The following SCN1A variants were observed in gnomAD, a reference collection of about 807,000 sequenced individuals.
The protein encoded by SCN1A is sodium channel protein type 1 subunit alpha.
Under a neutral mutation model 193.7 loss-of-function variants are expected in SCN1A, and 13 were observed. The ratio of observed to expected loss-of-function variants is 0.07; its 90% CI spans 0.04 to 0.11. The LOEUF (loss-of-function observed/expected upper bound fraction) is 0.11. SCN1A is among the 10% of genes least tolerant of loss of function. The probability of loss-of-function intolerance (pLI) is 1.00; values close to 1 mark genes in which losing one functional copy is unlikely to be tolerated. For missense variants in SCN1A, 1,432 were observed against 2,451.1 expected (o/e 0.58, Z 8.78); for synonymous variants, 781 against 843.6 (o/e 0.93, Z 1.29).
At chr2:166,036,953 A>T (rs1425661324) in intron 18 of SCN1A, among the ~76,000 whole-genome samples, 2 of 152,230 alleles carry the variant, frequency 1.3e-5, no homozygotes, top group Non-Finnish European at 2.9e-5. Context: ...TTGAAAAATA[A>T]CCATTACAAC....
intron 22 of SCN1A, among the ~76,000 whole-genome samples, chr2:166,010,477 A>G (rs937145530): frequency 4.0e-5 from 6 of 151,234 alleles, no homozygotes; most frequent in Non-Finnish European, 8.9e-5. Context: ...ATCTGGCCCC[A>G]AAGGGCCAAT....
chr2:166,018,757 G>T (rs116829087), intron 19 of SCN1A, among the ~76,000 whole-genome samples: 1 of 151,962 alleles, frequency 6.6e-6, no homozygotes, highest in African/African-American at 2.4e-5. Flanking sequence ...ATAAGAGTTG[G>T]CATGCAATTG....
intron 2 of SCN1A, among the ~76,000 whole-genome samples, chr2:166,085,868 A>G (rs955430952): frequency 2.0e-5 from 3 of 152,162 alleles, no homozygotes; most frequent in Non-Finnish European, 2.9e-5. Flanking sequence ...ACTATGGATT[A>G]TTGTTCAGAG....
rs142978131 is a variant in SCN1A, at chr2:165,998,270, T to TA, written c.4339-96dup. The TA allele has an allele frequency of 0.022, 23,915 of 1,078,060 alleles. 387 individuals carry two copies. The highest frequency in any genetic ancestry group is 0.026 in the Non-Finnish European group (19,174 of 739,534). The allele number at this position is 1,078,060 out of a possible 1,614,324, so 66.8% of individuals were successfully genotyped here. ...TCATAACAATAGAAAAAATTATTCT[T>TA]ACTAATATGTCAGCATTTTTTTTTT... On this transcript the variant is annotated intron_variant, in intron 25 of 28. Transcript: ENST00000674923.
At chr2:166,128,538 C>T (rs756094662), upstream of SCN1A, among the ~76,000 whole-genome samples, 1 of 152,092 alleles carries the variant, frequency 6.6e-6, no homozygotes, top group African/African-American at 2.4e-5. Flanking sequence ...CTCAGAGTCA[C>T]AAAATGTGAG....
At chr2:165,994,632 C>T (rs1689759157) in intron 27 of SCN1A, among the ~76,000 whole-genome samples, 1 of 147,338 alleles carries the variant, frequency 6.8e-6, no homozygotes, top group African/African-American at 2.5e-5. Context: ...ATCCCTTATC[C>T]AAAGAAGGTT....
chr2:166,108,291 A>T (rs6731168), intron 2 of SCN1A, among the ~76,000 whole-genome samples: 38,959 of 151,682 alleles, frequency 0.26, 5,078 homozygotes, highest in Non-Finnish European at 0.27. Flanking sequence ...TAATAATAAT[A>T]AAAAAAACAG....
intron 3 of SCN1A, 92 bp from the exon 4 acceptor site, chr2:166,073,762 TAA>T: frequency 1.0e-6 from 1 of 972,322 alleles, no homozygotes; most frequent in Non-Finnish European, 1.5e-6. Context: ...CTAGAGGATT[TAA>T]AGTCTGTTTT....
At chr2:165,985,306 AGAGG>A (rs1298841354), downstream of SCN1A, 2 of 149,778 alleles carry the variant, frequency 1.3e-5, no homozygotes, top group African/African-American at 4.9e-5. Flanking sequence ...AGGAAGGGAG[AGAGG>A]GAGGAAGGGA....
chr2:166,079,645 C>G (rs990996590), intron 2 of SCN1A, among the ~76,000 whole-genome samples: 4 of 150,862 alleles, frequency 2.7e-5, no homozygotes, highest in African/African-American at 9.7e-5. Context: ...TAAAAGCCTT[C>G]CTATTCTCCA....
At chr2:166,058,047 C>T (rs1446058357) in intron 5 of SCN1A, among the ~76,000 whole-genome samples, 1 of 152,050 alleles carries the variant, frequency 6.6e-6, no homozygotes, top group Non-Finnish European at 1.5e-5. Context: ...ACTTCCTTCA[C>T]AAAAATCATC....
chr2:166,003,855 C>A (rs1400630881), intron 23 of SCN1A, among the ~76,000 whole-genome samples: 1 of 127,872 alleles, frequency 7.8e-6, no homozygotes, highest in East Asian at 2.3e-4. Context: ...ATTTTTAGAA[C>A]AATTTTTTTT....
intron 1 of SCN1A, among the ~76,000 whole-genome samples, chr2:166,145,064 C>G (rs1297814356): frequency 6.6e-6 from 1 of 151,966 alleles, no homozygotes; most frequent in African/African-American, 2.4e-5. Flanking sequence ...TCTCAAACTC[C>G]TGACCTCATG....
intron 2 of SCN1A, among the ~76,000 whole-genome samples, chr2:166,084,585 A>T (rs547096950): frequency 6.6e-6 from 1 of 152,222 alleles, no homozygotes; most frequent in South Asian, 2.1e-4. Context: ...CTTTGAAGGA[A>T]AAAGATGCCA....
chr2:166,119,077 T>C (rs1690241681), intron 2 of SCN1A, among the ~76,000 whole-genome samples: 1 of 152,160 alleles, frequency 6.6e-6, no homozygotes, highest in Non-Finnish European at 1.5e-5. Context: ...GCCACTGATC[T>C]GACAGGAGGC....
rs540059534 is a variant in SCN1A, at chr2:166,076,865, A to T, written c.-50+845T>A. ...AAAAAAAAAAATGAACCTAGACCTT[A>T]TGCCTTTCACAAAAAATAATTCAAA... On this transcript the variant is annotated intron_variant, in intron 3 of 28. Transcript: ENST00000674923. Among the ~76,000 whole-genome samples, 15 of 151,610 alleles carry T rather than the reference A, an allele frequency of 9.9e-5. No homozygotes were observed. The South Asian group carries it at 3.1e-3, about 31-fold the overall frequency.
chr2:166,091,075 T>G (rs1686749439), intron 2 of SCN1A, among the ~76,000 whole-genome samples: 1 of 152,172 alleles, frequency 6.6e-6, no homozygotes, highest in Non-Finnish European at 1.5e-5. Context: ...CATAACGATT[T>G]CATAGGAAAG....
intron 1 of SCN1A, among the ~76,000 whole-genome samples, chr2:166,145,322 C>T (rs553536345): frequency 8.0e-4 from 121 of 152,100 alleles, no homozygotes; most frequent in African/African-American, 2.8e-3. Context: ...CAGGCATGAG[C>T]CACCACTCCC....
chr2:166,042,165 C>T lies in SCN1A; in HGVS notation c.2176+127G>A, dbSNP rs1339859075. The T allele has an allele frequency of 5.2e-5, 46 of 885,288 alleles. No individual in the cohort carries two copies. In the South Asian group the frequency reaches 5.8e-4, roughly 11 times the overall value. The allele number at this position is 885,288 out of a possible 1,614,324, so 54.8% of individuals were successfully genotyped here. On this transcript the variant is annotated intron_variant, in intron 15 of 28. Transcript: ENST00000674923. Reference sequence around the variant, plus strand: ...ATATCTGAGTAGATATAAGAAATAACAGCTCTTGAATTAGACTGTCTTTTC... The same window carrying T: ...ATATCTGAGTAGATATAAGAAATAATAGCTCTTGAATTAGACTGTCTTTTC...
Sources: allele counts gnomAD v4.1 joint callset (sites outside exome capture counted in the v4.1 genomes callset), GRCh38; gene constraint gnomAD v4.1.1; transcripts MANE v1.5; gene names NCBI Gene and HGNC (gene_info 2026-07-23, HGNC 2026-07-21).